UGT1A10: variants seen among roughly 807,000 people sequenced by gnomAD.
UGT1A10 encodes UDP-glucuronosyltransferase 1A10.
In UGT1A10, 49 loss-of-function variants were observed where a neutral mutation model predicts 45.8. That is an observed-to-expected ratio of 1.07 (90% CI 0.85 to 1.36). The LOEUF is 1.36. UGT1A10 is among the 40% of genes most tolerant of loss of function. The probability of loss-of-function intolerance (pLI) is 0.00; values close to 1 mark genes in which losing one functional copy is unlikely to be tolerated. For missense variants in UGT1A10, 745 were observed against 668.6 expected (o/e 1.11, Z -1.26); for synonymous variants, 284 against 249.7 (o/e 1.14, Z -1.29).
chr2:233,670,943 T>G (rs1427015081), intron 1 of UGT1A10, among the ~76,000 whole-genome samples: 1 of 152,208 alleles, frequency 6.6e-6, no homozygotes, highest in Non-Finnish European at 1.5e-5. Flanking sequence ...GCAGTGGGTA[T>G]TGATCTTTTC....
intron 1 of UGT1A10, among the ~76,000 whole-genome samples, chr2:233,658,263 C>T (rs1387419425): frequency 2.6e-5 from 4 of 152,168 alleles, no homozygotes; most frequent in African/African-American, 4.8e-5. Flanking sequence ...AAGAGACCCA[C>T]GGACCTTGGC....
At chr2:233,754,415 G>A (rs1208600112) in intron 1 of UGT1A10, 1 of 341,654 alleles carries the variant, frequency 2.9e-6, no homozygotes, top group Non-Finnish European at 5.7e-6. Context: ...CAACAATAAA[G>A]ACAGGCATTG....
At chr2:233,699,087 C>G (rs908686426) in intron 1 of UGT1A10, among the ~76,000 whole-genome samples, 1 of 152,218 alleles carries the variant, frequency 6.6e-6, no homozygotes, top group Admixed American at 6.5e-5. Flanking sequence ...CTCTCTAGCC[C>G]TGTGCACCTC....
In UGT1A10 at chr2:233,722,858, T is replaced by G. The variant is rs1254106570; in HGVS notation, c.856-44176T>G. On this transcript the variant is annotated intron_variant, in intron 1 of 4. Coordinates refer to ENST00000344644, the MANE Select transcript of UGT1A10 (RefSeq NM_019075.4). ...ATAAGAATGTTTCTTTTTTTTTTTT[T>G]TGAAGGAAAAAATAAATTTATTGCT... 1.4e-5 allele frequency among the ~76,000 whole-genome samples: 2 copies of G among 144,154 alleles called. 1 individual carries two copies. The highest frequency in any genetic ancestry group is 1.4e-4 in the Admixed American group (2 of 14,354). 94.6% of individuals were successfully genotyped at this position (144,154 alleles called of 152,430 possible).
intron 1 of UGT1A10, chr2:233,713,397 G>C: frequency 6.2e-7 from 1 of 1,614,030 alleles, no homozygotes; most frequent in Non-Finnish European, 8.5e-7. Flanking sequence ...GCATAATGAG[G>C]CCCTGATCAG....
At chr2:233,719,323 C>T in intron 1 of UGT1A10, 1 of 1,613,948 alleles carries the variant, frequency 6.2e-7, no homozygotes, top group Non-Finnish European at 8.5e-7. Flanking sequence ...CTGTCGATTC[C>T]TGCTGTGTTT....
intron 1 of UGT1A10, among the ~76,000 whole-genome samples, chr2:233,706,920 A>G (rs2075930825): frequency 6.6e-6 from 1 of 152,182 alleles, no homozygotes; most frequent in South Asian, 2.1e-4. Flanking sequence ...CTGCCAGAGT[A>G]TGAGTCTGGT....
chr2:233,741,619 C>T (rs901623616), intron 1 of UGT1A10: 6 of 151,836 alleles, frequency 4.0e-5, no homozygotes. Flanking sequence ...AGTGTCAGAC[C>T]CCATGAGCCC....
chr2:233,769,797 A>G lies in UGT1A10; in HGVS notation c.1295+1358A>G. The G allele has an allele frequency of 1.7e-6, 2 of 1,194,568 alleles. No individual in the cohort carries two copies. Among genetic ancestry groups the G allele is most frequent in the Non-Finnish European group, 2.2e-6 (2 of 895,402 alleles). The allele number at this position is 1,194,568 out of a possible 1,614,324, so 74.0% of individuals were successfully genotyped here. A position where few individuals can be genotyped will look rare whatever the true frequency, so the allele number is the denominator to read the frequency against. ...TTGAGCCCAGAAGTTGGAGGCTGCT[A>G]TGAGCCGTGATCATGCCACTGCACT... On this transcript the variant is annotated intron_variant, in intron 4 of 4. Transcript: ENST00000344644. This position sits in a 1 kb window ranked among gnomAD's most constrained non-coding sequence, Gnocchi z 4.4.
rs28898572 is a variant in UGT1A10, at chr2:233,685,578, C to A, written c.855+48201C>A. ...AAATTCAAATTTACCTGTTACTGGG[C>A]AAGCCCAAGGCCTCCCTCCAAGATT... On this transcript the variant is annotated intron_variant, in intron 1 of 4. Transcript: ENST00000344644. Among the ~76,000 whole-genome samples, 571 of 152,320 alleles carry A rather than the reference C, an allele frequency of 3.7e-3. 7 individuals are homozygous for A. Among genetic ancestry groups the A allele is most frequent in the African/African-American group, 0.013 (547 of 41,570 alleles).
At chr2:233,665,520 G>C (rs968439582) in intron 1 of UGT1A10, among the ~76,000 whole-genome samples, 1 of 152,186 alleles carries the variant, frequency 6.6e-6, no homozygotes, top group African/African-American at 2.4e-5. Context: ...AGAAGCAATA[G>C]GAATGAGGGT....
At chr2:233,719,100 C>A (rs780011480) in intron 1 of UGT1A10, 1 of 1,614,270 alleles carries the variant, frequency 6.2e-7, no homozygotes, top group Admixed American at 1.7e-5. Flanking sequence ...TCGCGTTACG[C>A]TGGGCTACAC....
intron 1 of UGT1A10, among the ~76,000 whole-genome samples, chr2:233,653,834 T>C (rs987746841): frequency 2.0e-5 from 3 of 152,230 alleles, no homozygotes; most frequent in Non-Finnish European, 4.4e-5. Context: ...TGACTTCAGA[T>C]GATCTGCCCT....
chr2:233,755,190 G>A, intron 1 of UGT1A10: 9 of 1,160,210 alleles, frequency 7.8e-6, no homozygotes, highest in Non-Finnish European at 7.2e-6. Context: ...CCACTTGAGC[G>A]CCAGCTTGCG....
At chr2:233,664,175 T>G (rs940360712) in intron 1 of UGT1A10, among the ~76,000 whole-genome samples, 1 of 152,158 alleles carries the variant, frequency 6.6e-6, no homozygotes. Context: ...TGAGACCTCA[T>G]TAGCCTGGCC....
rs1385848693 is a variant in UGT1A10 at position 233,725,062 on chromosome 2, C to G, written c.856-41972C>G. On this transcript the variant is annotated intron_variant, in intron 1 of 4. Transcript: ENST00000344644. ...ACCAGTCAGGCGTGGCGGCGCGCGC[C>G]TGCAATCGCAGGCACTCGGCAGGCT... 1.4e-5 allele frequency among the ~76,000 whole-genome samples: 2 copies of G among 147,098 alleles called. 1 individual carries two copies. Among genetic ancestry groups the G allele is most frequent in the East Asian group, 4.2e-4 (2 of 4,760 alleles).
chr2:233,687,974 G>A (rs572846343), intron 1 of UGT1A10, among the ~76,000 whole-genome samples: 107 of 152,256 alleles, frequency 7.0e-4, no homozygotes, highest in Admixed American at 3.9e-3. Context: ...TTCATGTATC[G>A]TAAAATTCAG....
intron 1 of UGT1A10, among the ~76,000 whole-genome samples, chr2:233,650,855 A>G (rs1175337505): frequency 6.6e-6 from 1 of 152,194 alleles, no homozygotes; most frequent in Non-Finnish European, 1.5e-5. Flanking sequence ...AGTTTTTCAT[A>G]ATATGAATTT....
intron 1 of UGT1A10, among the ~76,000 whole-genome samples, chr2:233,710,091 T>C (rs1192264751): frequency 6.6e-6 from 1 of 152,250 alleles, no homozygotes; most frequent in Admixed American, 6.5e-5. Context: ...CATTGTTGCA[T>C]GTATCAATAT....
Sources: gnomAD v4.1 joint callset for allele counts (sites outside exome capture counted in the v4.1 genomes callset) on GRCh38, gnomAD v4.1.1 for gene constraint, Gnocchi (gnomAD v3.1) non-coding constraint, MANE v1.5 for transcripts, NCBI Gene and HGNC (gene_info 2026-07-23, HGNC 2026-07-21) for gene names.